The following MIPOL1 variants were observed in gnomAD, a reference collection of about 807,000 sequenced individuals.
MIPOL1 encodes mirror-image polydactyly gene 1 protein.
MIPOL1 carries 57 observed loss-of-function variants against 60.9 expected under a neutral mutation model. The ratio of observed to expected loss-of-function variants is 0.94; its 90% CI spans 0.76 to 1.17. The LOEUF (loss-of-function observed/expected upper bound fraction) is 1.17. MIPOL1 is among the 50% of genes most tolerant of loss of function. MIPOL1 has a pLI of 0.00. For synonymous variants in MIPOL1, 179 were observed against 168.8 expected (o/e 1.06, Z -0.47); for missense variants, 551 against 511.6 (o/e 1.08, Z -0.74).
chr14:37,316,593 G>GT (rs5807945), intron 9 of MIPOL1, among the ~76,000 whole-genome samples: 95,424 of 142,864 alleles, frequency 0.67, 31,950 homozygotes, highest in African/African-American at 0.71. Context: ...ATCTTGGGAG[G>GT]TTTTTTTTTT....
intron 9 of MIPOL1, among the ~76,000 whole-genome samples, chr14:37,320,844 T>A (rs569052578): frequency 1.3e-5 from 2 of 152,208 alleles, no homozygotes; most frequent in African/African-American, 4.8e-5. Context: ...ATGCAATTAA[T>A]GAATTGTGTC....
chr14:37,217,946 T>C (rs562444522), intron 1 of MIPOL1, among the ~76,000 whole-genome samples: 26 of 152,210 alleles, frequency 1.7e-4, no homozygotes, highest in Non-Finnish European at 3.7e-4. Context: ...CTTTTAAGCA[T>C]TGATCTAGCT....
intron 11 of MIPOL1, among the ~76,000 whole-genome samples, chr14:37,494,035 G>A (rs137877478): frequency 1.7e-4 from 26 of 152,302 alleles, no homozygotes; most frequent in Admixed American, 3.9e-4. Context: ...CTTGTTGTCA[G>A]TTAAGGAAAG....
At chr14:37,355,419 C>A (rs1276891167) in intron 9 of MIPOL1, among the ~76,000 whole-genome samples, 5 of 147,878 alleles carry the variant, frequency 3.4e-5, no homozygotes, top group East Asian at 2.0e-4. Context: ...ATCTTTGTGG[C>A]GTTCTCTGTA....
Position 37,340,388 on chromosome 14 carries a change from TAAAAC to T in MIPOL1, c.829-29125_829-29121del, listed in dbSNP as rs140361472. 1.9e-3 allele frequency among the ~76,000 whole-genome samples: 296 copies of T among 152,270 alleles called. 2 individuals carry two copies. The highest frequency in any genetic ancestry group is 6.4e-3 in the African/African-American group (267 of 41,560). On this transcript the variant is annotated intron_variant, in intron 9 of 12. Transcript: ENST00000684589. ...CTGCTTATTACAATAGTCAAATAGT[TAAAAC>T]AAATTAAAAGTTTATGAAGTAAAAA...
At position 37,360,330 on chromosome 14, in the gene MIPOL1, T is replaced by A. The variant is rs183836099; in HGVS notation, c.829-9187T>A. ...GCTTTGGTATCAGGGTGATGTTGCCTCATAAAATGAATTAGGGAGGATTCC... is the reference window on the plus strand; with the variant it reads ...GCTTTGGTATCAGGGTGATGTTGCCACATAAAATGAATTAGGGAGGATTCC... On this transcript the variant is annotated intron_variant, in intron 9 of 12. Transcript: ENST00000684589. Among the ~76,000 whole-genome samples, 16 of 152,324 alleles carry A rather than the reference T, an allele frequency of 1.1e-4. No homozygotes were observed. In the East Asian group the frequency reaches 3.1e-3, roughly 29 times the overall value.
At chr14:37,347,131 G>A (rs1046904596) in intron 9 of MIPOL1, among the ~76,000 whole-genome samples, 1 of 152,084 alleles carries the variant, frequency 6.6e-6, no homozygotes, top group Non-Finnish European at 1.5e-5. Context: ...GATGGGCAAA[G>A]TGAAAATGTA....
intron 11 of MIPOL1, among the ~76,000 whole-genome samples, chr14:37,451,964 G>A (rs891665128): frequency 6.6e-6 from 1 of 150,598 alleles, no homozygotes; most frequent in Admixed American, 6.6e-5. Context: ...ACAGGCGCCC[G>A]CCATCACGCC....
At chr14:37,254,363 G>A (rs1316044044) in intron 3 of MIPOL1, among the ~76,000 whole-genome samples, 2 of 151,800 alleles carry the variant, frequency 1.3e-5, no homozygotes, top group African/African-American at 4.8e-5. Flanking sequence ...TATGACATTT[G>A]TTGTGAACCC....
rs889903524 is a variant in MIPOL1, at chr14:37,247,813, G to A, written c.-60-16G>A. ...ATTGTTTTCAGTTTATTTATCTAGA[G>A]TTGGCTTTATTTTAGCTGCAAATCT... On this transcript the variant is annotated splice_polypyrimidine_tract_variant and intron_variant, in intron 2 of 12. Coordinates refer to ENST00000684589, the MANE Select transcript of MIPOL1 (RefSeq NM_001388067.1). 8.0e-5 allele frequency: 118 copies of A among 1,472,842 alleles called. No individual in the cohort carries two copies. The highest frequency in any genetic ancestry group is 1.0e-5 in the Non-Finnish European group (11 of 1,056,388). 91.2% of individuals were successfully genotyped at this position (1,472,842 alleles called of 1,614,324 possible). A position where few individuals can be genotyped will look rare whatever the true frequency, so the allele number is the denominator to read the frequency against.
intron 5 of MIPOL1, among the ~76,000 whole-genome samples, chr14:37,269,485 A>T (rs942803498): frequency 2.6e-5 from 4 of 152,016 alleles, no homozygotes; most frequent in African/African-American, 7.3e-5. Flanking sequence ...TCATGTTTGG[A>T]GGAAAACAAC....
intron 4 of MIPOL1, 92 bp from the exon 5 acceptor site, chr14:37,268,566 C>T (rs1328222696): frequency 3.2e-6 from 3 of 940,766 alleles, no homozygotes; most frequent in East Asian, 2.9e-5. Flanking sequence ...ATGGTGTTTG[C>T]TTACAAGTTG....
At chr14:37,286,545 C>CAG in intron 7 of MIPOL1, among the ~76,000 whole-genome samples, 1 of 152,250 alleles carries the variant, frequency 6.6e-6, no homozygotes, top group African/African-American at 2.4e-5. Context: ...GATCAATCAG[C>CAG]ATACTTATGG....
At chr14:37,538,916 C>T (rs2095518187) in intron 12 of MIPOL1, among the ~76,000 whole-genome samples, 1 of 152,190 alleles carries the variant, frequency 6.6e-6, no homozygotes, top group African/African-American at 2.4e-5. Flanking sequence ...GCTTATAGAA[C>T]TGCCCAGCTG....
intron 10 of MIPOL1, among the ~76,000 whole-genome samples, chr14:37,407,814 TTTA>T (rs1321115319): frequency 6.0e-5 from 9 of 150,592 alleles, no homozygotes; most frequent in Admixed American, 1.3e-4. Context: ...CCCAGTATGC[TTTA>T]TTTTTTCTTT....
At chr14:37,280,961 T>G (rs972295845) in intron 6 of MIPOL1, among the ~76,000 whole-genome samples, 2 of 152,226 alleles carry the variant, frequency 1.3e-5, no homozygotes, top group Non-Finnish European at 2.9e-5. Context: ...TCTCCTACAC[T>G]GTAGGTTGTC....
intron 11 of MIPOL1, among the ~76,000 whole-genome samples, chr14:37,436,017 CTT>C (rs1306200592): frequency 6.6e-6 from 1 of 152,102 alleles, no homozygotes. Context: ...CCAGAGTAGA[CTT>C]TATTCACCTG....
rs1301870486 is a variant in MIPOL1, at chr14:37,351,350, A to T, written c.829-18167A>T. Among the ~76,000 whole-genome samples the T allele has an allele frequency of 6.2e-5, 9 of 145,172 alleles. No individual in the cohort carries two copies. In the South Asian group the frequency reaches 2.1e-3, roughly 33 times the overall value. On this transcript the variant is annotated intron_variant, in intron 9 of 12. Coordinates refer to ENST00000684589, the MANE Select transcript of MIPOL1 (RefSeq NM_001388067.1). ...TGGTTCCAAGTCTTTGCTATTGTGA[A>T]TAATGCCGCAATAAACATACGTGTG...
At chr14:37,422,985 T>C (rs751191883) in intron 11 of MIPOL1, 36 bp downstream of exon 11, 1 of 1,322,018 alleles carries the variant, frequency 7.6e-7, no homozygotes, top group South Asian at 1.3e-5. Flanking sequence ...AAGTAAATAT[T>C]GTTAGTTTGG....
Sources: gnomAD v4.1 joint callset for allele counts (sites outside exome capture counted in the v4.1 genomes callset) on GRCh38, gnomAD v4.1.1 for gene constraint, MANE v1.5 for transcripts, NCBI Gene and HGNC (gene_info 2026-07-23, HGNC 2026-07-21) for gene names.